RHOBTB3: variants seen among roughly 807,000 people sequenced by gnomAD.
RHOBTB3 encodes rho-related BTB domain-containing protein 3.
Under a neutral mutation model 67.2 loss-of-function variants are expected in RHOBTB3, and 47 were observed. That is an observed-to-expected ratio of 0.70 (90% CI 0.55 to 0.89). The LOEUF is 0.89. Among genes scored for constraint, RHOBTB3 ranks in the 40% least tolerant of loss-of-function variants. RHOBTB3 has a pLI of 0.00. For missense variants in RHOBTB3, 631 were observed against 750.0 expected (o/e 0.84, Z 1.85); for synonymous variants, 273 against 274.2 (o/e 1.00, Z 0.04).
chr5:95,794,092 T>TCACTATG lies in RHOBTB3; in HGVS notation c.*918_*919insCACTATG. The TCACTATG allele has an allele frequency of 2.2e-6, 1 of 455,420 alleles. No individual in the cohort carries two copies. Among genetic ancestry groups the TCACTATG allele is most frequent in the South Asian group, 1.6e-5 (1 of 64,406 alleles). 28.2% of individuals were successfully genotyped at this position (455,420 alleles called of 1,614,324 possible). On this transcript the variant is annotated 3_prime_UTR_variant, in exon 12 of 12. Coordinates refer to ENST00000379982, the MANE Select transcript of RHOBTB3 (RefSeq NM_014899.4). ...GAGAACATAGTGAAGATTCCCGCCTTTGGGGAGGTCTGGACCACCCAGGGC... is the reference window on the plus strand; with the variant it reads ...GAGAACATAGTGAAGATTCCCGCCTTCACTATGTGGGGAGGTCTGGACCACCCAGGGC...
In RHOBTB3 at chr5:95,768,096, G is replaced by T; in HGVS notation, c.1212G>T (p.Trp404Cys). 6.2e-7 allele frequency: 1 copy of T among 1,613,474 alleles called. No individual in the cohort carries two copies. Among genetic ancestry groups the T allele is most frequent in the South Asian group, 1.1e-5 (1 of 91,002 alleles). The change falls in exon 8 of 12, where the codon TGG (tryptophan) becomes TGT (cysteine). Residue 404 changes from tryptophan to cysteine, a missense_variant. Coordinates refer to ENST00000379982, the MANE Select transcript of RHOBTB3 (RefSeq NM_014899.4). ...CCTATCAAGCCAGAAAACCTTTGTG[G>T]TTTTATAACACTTCCCTCAAGTTTT... ...CKTYQARKPL[W>C]FYNTSLKFFL...
chr5:95,774,951 T>A lies in RHOBTB3; in HGVS notation c.1283-5301T>A, dbSNP rs1745823547. On this transcript the variant is annotated intron_variant, in intron 8 of 11. Coordinates refer to ENST00000379982, the MANE Select transcript of RHOBTB3 (RefSeq NM_014899.4). ...CAGCAACTCTGCTAGAGATTATATA[T>A]GTAAATCTCAAGTCTTGAAACAGTG... Among the ~76,000 whole-genome samples, 3 of 152,198 alleles carry A rather than the reference T, an allele frequency of 2.0e-5. 1 individual carries two copies. Among genetic ancestry groups the A allele is most frequent in the African/African-American group, 7.2e-5 (3 of 41,452 alleles).
intron 3 of RHOBTB3, among the ~76,000 whole-genome samples, chr5:95,739,535 C>T (rs1049393093): frequency 2.0e-5 from 3 of 152,172 alleles, no homozygotes; most frequent in Non-Finnish European, 2.9e-5. Flanking sequence ...TTGTCAAATA[C>T]TACAGACATT....
intron 3 of RHOBTB3, among the ~76,000 whole-genome samples, chr5:95,746,516 A>G (rs1744918358): frequency 6.6e-6 from 1 of 152,296 alleles, no homozygotes; most frequent in Non-Finnish European, 1.5e-5. Context: ...ATTTGCTCCA[A>G]ACTTAAAATG....
At chr5:95,767,338 CTTTCT>C (rs1057171023) in intron 7 of RHOBTB3, among the ~76,000 whole-genome samples, 3 of 117,978 alleles carry the variant, frequency 2.5e-5, no homozygotes, top group African/African-American at 9.3e-5. Context: ...TTGTATTTTT[CTTTCT>C]TTTTTTTTTT....
upstream of RHOBTB3, among the ~76,000 whole-genome samples, chr5:95,728,461 ACTTT>A (rs1304958806): frequency 5.9e-5 from 9 of 152,220 alleles, no homozygotes; most frequent in Admixed American, 5.9e-4. Flanking sequence ...GACAATGTTT[ACTTT>A]CTTTATGAAC....
intron 6 of RHOBTB3, among the ~76,000 whole-genome samples, chr5:95,756,775 A>G (rs1423040182): frequency 6.6e-6 from 1 of 152,122 alleles, no homozygotes; most frequent in Non-Finnish European, 1.5e-5. Flanking sequence ...GCATCTTTTC[A>G]TATGTTTTTG....
intron 2 of RHOBTB3, among the ~76,000 whole-genome samples, chr5:95,735,545 G>GT (rs1561438857): frequency 1.3e-5 from 2 of 152,144 alleles, no homozygotes; most frequent in African/African-American, 4.8e-5. Flanking sequence ...TGTTAACCCT[G>GT]TTTTAGACTC....
At chr5:95,735,837 A>G (rs1755441716) in intron 2 of RHOBTB3, among the ~76,000 whole-genome samples, 1 of 152,232 alleles carries the variant, frequency 6.6e-6, no homozygotes, top group Non-Finnish European at 1.5e-5. Context: ...ACGGTGGCTC[A>G]TGCCTGTAAT....
intron 6 of RHOBTB3, 119 bp from the exon 7 acceptor site, chr5:95,763,389 A>G (rs1427050047): frequency 3.1e-6 from 2 of 640,322 alleles, no homozygotes; most frequent in Admixed American, 2.8e-5. Flanking sequence ...ATAAGGATGT[A>G]TATCTGGTAA....
chr5:95,769,012 C>A (rs979742236), intron 8 of RHOBTB3: 1 of 245,642 alleles, frequency 4.1e-6, no homozygotes, highest in East Asian at 1.1e-4. Flanking sequence ...CTTGGATTAC[C>A]CAGTCTTTCC....
intron 8 of RHOBTB3, among the ~76,000 whole-genome samples, chr5:95,778,252 G>A (rs945296323): frequency 5.9e-5 from 9 of 152,086 alleles, no homozygotes; most frequent in African/African-American, 2.2e-4. Flanking sequence ...TAACCTATGA[G>A]TATCCTCCTG....
intron 4 of RHOBTB3, among the ~76,000 whole-genome samples, chr5:95,749,223 A>C (rs935225598): frequency 1.3e-5 from 2 of 152,262 alleles, no homozygotes; most frequent in African/African-American, 4.8e-5. Context: ...ACGGATGAGA[A>C]GTTAAAAGCA....
intron 3 of RHOBTB3, among the ~76,000 whole-genome samples, chr5:95,747,449 T>C (rs537758110): frequency 6.6e-6 from 1 of 152,304 alleles, no homozygotes; most frequent in East Asian, 1.9e-4. Flanking sequence ...CAACATGCAT[T>C]TCTAGAAATG....
chr5:95,751,056 G>T (rs1294714847), intron 4 of RHOBTB3, among the ~76,000 whole-genome samples: 4 of 152,130 alleles, frequency 2.6e-5, no homozygotes. Context: ...GTGTGTGGTG[G>T]GTGGGCCTCC....
rs966040791 is a variant in RHOBTB3 at position 95,718,103 on chromosome 5, A to G, written n.133+338A>G. Among the ~76,000 whole-genome samples the G allele has an allele frequency of 4.6e-5, 7 of 152,366 alleles. No individual in the cohort carries two copies. The South Asian group carries it at 1.2e-3, about 27-fold the overall frequency. ...TAGAAAGTATGTTATGGACCATTAT[A>G]CAAGTCTTAACAAGTGAAAAAGTTA... is the stretch of plus-strand genomic sequence containing the variant. On this transcript the variant is annotated intron_variant and non_coding_transcript_variant, in intron 1 of 5. Transcript: ENST00000504949.
intron 10 of RHOBTB3, among the ~76,000 whole-genome samples, chr5:95,787,974 G>A (rs894180894): frequency 6.6e-6 from 1 of 152,188 alleles, no homozygotes; most frequent in Admixed American, 6.5e-5. Context: ...ACATTTAACT[G>A]TACACTTAAG....
chr5:95,718,540 A>G (rs1411608060), intron 1 of RHOBTB3, among the ~76,000 whole-genome samples: 1 of 152,212 alleles, frequency 6.6e-6, no homozygotes, highest in Non-Finnish European at 1.5e-5. Flanking sequence ...CAAGTTAGAG[A>G]CAGGGGTAAG....
At position 95,733,357 on chromosome 5, in the gene RHOBTB3, C is replaced by CTT. The variant is rs776925929; in HGVS notation, c.228+1274_228+1275insTT. Among the ~76,000 whole-genome samples, 67 of 152,234 alleles carry CTT rather than the reference C, an allele frequency of 4.4e-4. 1 individual carries two copies. Among genetic ancestry groups the CTT allele is most frequent in the Non-Finnish European group, 8.1e-4 (55 of 68,002 alleles). ...CTTTCGTTGTGAAAGATCTTACAGC[C>CTT]TAAAAACATGACGGTTCAACATGCA... On this transcript the variant is annotated intron_variant, in intron 2 of 11. Transcript: ENST00000379982.
Sources: allele counts gnomAD v4.1 joint callset (sites outside exome capture counted in the v4.1 genomes callset), GRCh38; gene constraint gnomAD v4.1.1; transcripts MANE v1.5; gene names NCBI Gene and HGNC (gene_info 2026-07-23, HGNC 2026-07-21).